The following PCDH15 variants were observed in gnomAD, a reference collection of about 807,000 sequenced individuals.
PCDH15 encodes the protein protocadherin related 15, also known as protocadherin-15.
A neutral mutation model predicts 178.5 loss-of-function variants in PCDH15; 129 were observed. The ratio of observed to expected loss-of-function variants is 0.72; its 90% CI spans 0.63 to 0.84. PCDH15 has a LOEUF of 0.84. PCDH15 is among the 40% of genes least tolerant of loss of function. The probability of loss-of-function intolerance (pLI) is 0.00; values close to 1 mark genes in which losing one functional copy is unlikely to be tolerated. For synonymous variants in PCDH15, 800 were observed against 732.0 expected (o/e 1.09, Z -1.50); for missense variants, 2,230 against 2,099.9 (o/e 1.06, Z -1.21).
chr10:53,934,664 G>A (rs887241255), intron 25 of PCDH15, among the ~76,000 whole-genome samples: 1 of 151,416 alleles, frequency 6.6e-6, no homozygotes, highest in South Asian at 2.1e-4. Context: ...GAAGAAGCAA[G>A]TCATCAAACT....
At position 54,755,949 on chromosome 10, in the gene PCDH15, G is replaced by A. The variant is rs555711060; in HGVS notation, c.-29+44976C>T. 3.3e-5 allele frequency among the ~76,000 whole-genome samples: 5 copies of A among 151,974 alleles called. No homozygotes were observed. In the East Asian group the frequency reaches 5.8e-4, roughly 18 times the overall value. ...GTGTAAACACCATGAGACAAGGCGC[G>A]GTAGCTCATACCTGTAATCCCAGCA... On this transcript the variant is annotated intron_variant, in intron 1 of 37. Transcript: ENST00000644397.
intron 3 of PCDH15, among the ~76,000 whole-genome samples, chr10:54,465,603 T>C (rs1398245633): frequency 6.6e-6 from 1 of 152,080 alleles, no homozygotes; most frequent in Non-Finnish European, 1.5e-5. Context: ...TAGTTTTTCA[T>C]TGTGTGCCAA....
At chr10:54,226,993 A>G (rs2053526639) in intron 9 of PCDH15, among the ~76,000 whole-genome samples, 1 of 152,176 alleles carries the variant, frequency 6.6e-6, no homozygotes, top group Non-Finnish European at 1.5e-5. Context: ...TGCAGAGTGT[A>G]GCCCCCTCCT....
At chr10:55,325,606 A>G (rs112802899) in intron 2 of PCDH15, among the ~76,000 whole-genome samples, 26 of 152,198 alleles carry the variant, frequency 1.7e-4, no homozygotes, top group African/African-American at 5.3e-4. Context: ...ACCTAAAACT[A>G]TAAACATCCT....
At chr10:54,215,212 C>A (rs1336193904) in intron 9 of PCDH15, among the ~76,000 whole-genome samples, 1 of 151,908 alleles carries the variant, frequency 6.6e-6, no homozygotes, top group Non-Finnish European at 1.5e-5. Flanking sequence ...AAGGGACAAT[C>A]TGAAACAGAG....
intron 3 of PCDH15, among the ~76,000 whole-genome samples, chr10:54,469,742 G>A (rs1003628758): frequency 4.6e-5 from 7 of 152,140 alleles, no homozygotes; most frequent in African/African-American, 1.4e-4. Flanking sequence ...CTGGGTGGGT[G>A]AGTGGGTCCT....
chr10:54,750,428 G>A (rs1316821466), intron 1 of PCDH15, among the ~76,000 whole-genome samples: 3 of 152,064 alleles, frequency 2.0e-5, no homozygotes. Flanking sequence ...GTGAATACAG[G>A]TAAGTTAGGG....
At chr10:55,099,396 T>A (rs938644887) in intron 2 of PCDH15, among the ~76,000 whole-genome samples, 2 of 152,014 alleles carry the variant, frequency 1.3e-5, no homozygotes, top group African/African-American at 4.8e-5. Context: ...ACTACTAAAA[T>A]ACAATTACTA....
intron 2 of PCDH15, among the ~76,000 whole-genome samples, chr10:55,342,536 C>G (rs1030487017): frequency 2.9e-4 from 44 of 151,906 alleles, no homozygotes; most frequent in Admixed American, 1.2e-3. Flanking sequence ...CCTCAAACTC[C>G]TGGGCTCAAG....
chr10:54,475,100 TATC>T (rs1357958709), intron 3 of PCDH15, among the ~76,000 whole-genome samples: 1 of 151,942 alleles, frequency 6.6e-6, no homozygotes, highest in African/African-American at 2.4e-5. Flanking sequence ...CAAAATGTTT[TATC>T]ATACATTTTT....
chr10:53,999,373 T>C (rs2092012634), intron 20 of PCDH15, among the ~76,000 whole-genome samples: 1 of 152,220 alleles, frequency 6.6e-6, no homozygotes, highest in Non-Finnish European at 1.5e-5. Flanking sequence ...ATTTCTCATA[T>C]TATTAGCATT....
chr10:54,497,956 C>A, intron 3 of PCDH15, among the ~76,000 whole-genome samples: 1 of 151,902 alleles, frequency 6.6e-6, no homozygotes, highest in Non-Finnish European at 1.5e-5. Context: ...ACTCAGAGAA[C>A]CCCAGACAGA....
chr10:54,655,485 A>G (rs2094386293), intron 2 of PCDH15: 1 of 151,044 alleles, frequency 6.6e-6, no homozygotes, highest in African/African-American at 2.5e-5. Context: ...TAGCAGAAAG[A>G]GAATCTTCTA....
At chr10:55,574,217 CT>C (rs1358923189) in intron 2 of PCDH15, among the ~76,000 whole-genome samples, 1 of 151,896 alleles carries the variant, frequency 6.6e-6, no homozygotes, top group Non-Finnish European at 1.5e-5. Flanking sequence ...TATTACAGAA[CT>C]TTTTTGAGTC....
chr10:53,888,316 ATG>A lies in PCDH15; in HGVS notation c.3501+14925_3501+14926del, dbSNP rs1491409205. Among the ~76,000 whole-genome samples, 265 of 114,734 alleles carry A rather than the reference ATG, an allele frequency of 2.3e-3. 5 individuals are homozygous for A. The highest frequency in any genetic ancestry group is 9.0e-3 in the African/African-American group (245 of 27,204). The allele number at this position is 114,734 out of a possible 152,430, so 75.3% of individuals were successfully genotyped here. A position where few individuals can be genotyped will look rare whatever the true frequency, so the allele number is the denominator to read the frequency against. ...CATATATATATATATATATGTATATATGTACGTATATATATGTACGTATATAT... is the reference window on the plus strand; with the variant it reads ...CATATATATATATATATATGTATATATACGTATATATATGTACGTATATAT... On this transcript the variant is annotated intron_variant, in intron 26 of 37. Coordinates refer to ENST00000644397, the MANE Select transcript of PCDH15 (RefSeq NM_001384140.1).
intron 8 of PCDH15, among the ~76,000 whole-genome samples, chr10:54,298,811 C>T (rs1320017917): frequency 2.0e-5 from 3 of 152,220 alleles, no homozygotes; most frequent in Non-Finnish European, 4.4e-5. Flanking sequence ...GATGACTGTC[C>T]TCAAGGTCCG....
At chr10:53,820,054 C>CTATT (rs2076201550) in intron 33 of PCDH15, 111 bp downstream of exon 33, 1 of 393,084 alleles carries the variant, frequency 2.5e-6, no homozygotes, top group East Asian at 3.6e-5. Context: ...TCTTTTGTTA[C>CTATT]TATTTATAGA....
chr10:54,690,998 T>C (rs894305016), intron 1 of PCDH15, among the ~76,000 whole-genome samples: 7 of 152,106 alleles, frequency 4.6e-5, no homozygotes, highest in African/African-American at 1.7e-4. Flanking sequence ...ACTTCTTATA[T>C]GGTATGGTGT....
At chr10:54,451,134 C>A (rs1258762233) in intron 3 of PCDH15, among the ~76,000 whole-genome samples, 1 of 151,786 alleles carries the variant, frequency 6.6e-6, no homozygotes, top group Non-Finnish European at 1.5e-5. Flanking sequence ...CAAGATTGCA[C>A]TGACTGTTGA....
Sources: gnomAD v4.1 joint callset for allele counts (sites outside exome capture counted in the v4.1 genomes callset) on GRCh38, gnomAD v4.1.1 for gene constraint, MANE v1.5 for transcripts, NCBI Gene and HGNC (gene_info 2026-07-23, HGNC 2026-07-21) for gene names.